The following KDM2A variants were observed in gnomAD, a reference collection of about 807,000 sequenced individuals.
KDM2A encodes the protein lysine demethylase 2A.
Under a neutral mutation model 137.3 loss-of-function variants are expected in KDM2A, and 3 were observed. The observed-to-expected ratio is 0.02, with a 90% CI of 0.01 to 0.06. The LOEUF (loss-of-function observed/expected upper bound fraction) is 0.06, where lower values mean the gene tolerates loss of function less well. Among genes scored for constraint, KDM2A ranks in the 10% least tolerant of loss-of-function variants. The probability of loss-of-function intolerance (pLI) is 1.00; values close to 1 mark genes in which losing one functional copy is unlikely to be tolerated. For synonymous variants in KDM2A, 512 were observed against 541.5 expected, an observed-to-expected ratio of 0.95 and a Z score of 0.76; for missense variants, 738 against 1,510.6, an observed-to-expected ratio of 0.49 and a Z score of 8.48.
intron 2 of KDM2A, among the ~76,000 whole-genome samples, chr11:67,178,421 A>G (rs1857016378): frequency 6.6e-6 from 1 of 151,642 alleles, no homozygotes; most frequent in Non-Finnish European, 1.5e-5. Context: ...TAAAAAATAA[A>G]ATAAAGTGTA....
At chr11:67,189,367 C>T (rs774904372) in intron 5 of KDM2A, among the ~76,000 whole-genome samples, 9 of 152,148 alleles carry the variant, frequency 5.9e-5, no homozygotes, top group Non-Finnish European at 1.0e-4. Context: ...CCTACCAAAA[C>T]TTATAGGGAT....
chr11:67,246,582 AAAG>A (rs888912310), intron 15 of KDM2A, among the ~76,000 whole-genome samples: 8 of 152,040 alleles, frequency 5.3e-5, no homozygotes, highest in African/African-American at 1.9e-4. Flanking sequence ...TTAAAAAAAA[AAAG>A]TAATAAAAAG....
intron 15 of KDM2A, among the ~76,000 whole-genome samples, chr11:67,247,326 G>A (rs536117482): frequency 2.7e-5 from 4 of 149,364 alleles, no homozygotes; most frequent in Non-Finnish European, 4.4e-5. Flanking sequence ...CTAACCTCAA[G>A]TGATTCACCC....
chr11:67,208,686 G>T (rs377217175), intron 6 of KDM2A, among the ~76,000 whole-genome samples: 6 of 149,784 alleles, frequency 4.0e-5, no homozygotes, highest in African/African-American at 9.8e-5. Context: ...CATGAGAATC[G>T]CTTGAACCTG....
At chr11:67,171,400 G>T (rs1202936973) in intron 2 of KDM2A, among the ~76,000 whole-genome samples, 1 of 152,202 alleles carries the variant, frequency 6.6e-6, no homozygotes, top group African/African-American at 2.4e-5. Flanking sequence ...AAATTGAAAT[G>T]ATGTGAGTTG....
intron 5 of KDM2A, among the ~76,000 whole-genome samples, chr11:67,202,829 C>G (rs1045052182): frequency 6.7e-6 from 1 of 150,174 alleles, no homozygotes; most frequent in African/African-American, 2.5e-5. Context: ...GATCTTGTAT[C>G]GGCAAAAATT....
chr11:67,214,379 T>G (rs1858094222), intron 6 of KDM2A, among the ~76,000 whole-genome samples: 1 of 152,082 alleles, frequency 6.6e-6, no homozygotes, highest in South Asian at 2.1e-4. Flanking sequence ...TAATTTTTTG[T>G]ATTTTTAGTA....
intron 2 of KDM2A, among the ~76,000 whole-genome samples, chr11:67,138,440 T>A (rs1180017407): frequency 5.3e-5 from 8 of 152,186 alleles, no homozygotes; most frequent in Admixed American, 4.6e-4. Context: ...AACCAGTTGT[T>A]TTCAAAGTGT....
intron 2 of KDM2A, among the ~76,000 whole-genome samples, chr11:67,123,646 A>G (rs979638209): frequency 3.3e-5 from 5 of 151,592 alleles, no homozygotes; most frequent in African/African-American, 1.2e-4. Flanking sequence ...CAGACTTTAA[A>G]GGAAGAGCCT....
intron 12 of KDM2A, among the ~76,000 whole-genome samples, chr11:67,237,919 G>GA (rs1050021366): frequency 1.2e-3 from 166 of 139,294 alleles, no homozygotes; most frequent in East Asian, 3.1e-3. Context: ...GACCCTGTCT[G>GA]AAAAAAAAAA....
Position 67,245,952 on chromosome 11 carries a change from G to C in KDM2A, c.1834-33G>C. 1.2e-6 allele frequency: 2 copies of C among 1,611,860 alleles called. No homozygotes were observed. Among genetic ancestry groups the C allele is most frequent in the Non-Finnish European group, 1.7e-6 (2 of 1,178,364 alleles). ...ACTGAAATGATAAAGATCTGAGTCA[G>C]TTCTCTTGGATTCTATCTTTGTCCT... On this transcript the variant is annotated intron_variant, in intron 14 of 20. Transcript: ENST00000529006. The surrounding 1 kb of genome is among the most constrained non-coding windows in gnomAD (Gnocchi z 4.1).
chr11:67,178,827 T>G (rs535384247), intron 2 of KDM2A, among the ~76,000 whole-genome samples: 1 of 152,370 alleles, frequency 6.6e-6, no homozygotes, highest in Admixed American at 6.5e-5. Context: ...ATCTTTTGGC[T>G]GTTGTGAATA....
chr11:67,183,657 C>T (rs1857138507), intron 5 of KDM2A, among the ~76,000 whole-genome samples: 1 of 152,170 alleles, frequency 6.6e-6, no homozygotes, highest in Admixed American at 6.5e-5. Context: ...TCTTCCCTGC[C>T]AACCAAGCCC....
At chr11:67,239,768 G>T (rs892798668) in intron 12 of KDM2A, among the ~76,000 whole-genome samples, 1 of 152,246 alleles carries the variant, frequency 6.6e-6, no homozygotes, top group African/African-American at 2.4e-5. Context: ...GCCTAGTGTA[G>T]CCCGCAGAAT....
At chr11:67,168,461 A>G (rs1856796303) in intron 2 of KDM2A, among the ~76,000 whole-genome samples, 2 of 152,072 alleles carry the variant, frequency 1.3e-5, no homozygotes, top group South Asian at 4.2e-4. Context: ...AATCTTCTTG[A>G]GTGCTAGGAC....
intron 10 of KDM2A, among the ~76,000 whole-genome samples, chr11:67,222,765 G>T (rs1185608738): frequency 1.3e-5 from 2 of 148,752 alleles, no homozygotes; most frequent in African/African-American, 5.0e-5. Context: ...GGTTAAAGAT[G>T]ACTCTTACAC....
chr11:67,120,406 C>T (rs906300727), intron 1 of KDM2A, among the ~76,000 whole-genome samples: 4 of 152,190 alleles, frequency 2.6e-5, no homozygotes, highest in Admixed American at 6.5e-5. Context: ...ACGGGGGGAA[C>T]CTGTGTTCTC....
chr11:67,140,452 T>TA (rs1031924866), intron 2 of KDM2A, among the ~76,000 whole-genome samples: 2 of 151,876 alleles, frequency 1.3e-5, no homozygotes, highest in African/African-American at 4.8e-5. Context: ...AAGAAAACCT[T>TA]AAAAGAAGTT....
intron 5 of KDM2A, among the ~76,000 whole-genome samples, chr11:67,183,927 A>G (rs922780978): frequency 4.1e-5 from 6 of 146,842 alleles, no homozygotes; most frequent in Non-Finnish European, 9.1e-5. Context: ...TGGGCAACAT[A>G]GCAAGACCCT....
Sources: allele counts gnomAD v4.1 joint callset (sites outside exome capture counted in the v4.1 genomes callset), GRCh38; gene constraint gnomAD v4.1.1; non-coding constraint Gnocchi (gnomAD v3.1); transcripts MANE v1.5; gene names NCBI Gene and HGNC (gene_info 2026-07-23, HGNC 2026-07-21).